The following TXNRD1 variants were observed in gnomAD, a reference collection of about 807,000 sequenced individuals.
TXNRD1 encodes the protein thioredoxin reductase 1, cytoplasmic.
In TXNRD1, 57 loss-of-function variants were observed where a neutral mutation model predicts 80.3. The ratio of observed to expected loss-of-function variants is 0.71; its 90% confidence interval spans 0.57 to 0.89. The LOEUF is 0.89. Among genes scored for constraint, TXNRD1 ranks in the 40% least tolerant of loss-of-function variants. The pLI is 0.00. For synonymous variants in TXNRD1, 291 were observed against 285.2 expected, an observed-to-expected ratio of 1.02 and a Z score of -0.20; for missense variants, 730 against 803.0, an observed-to-expected ratio of 0.91 and a Z score of 1.10.
intron 12 of TXNRD1, 37 bp downstream of exon 12, chr12:104,326,460 ATT>A (rs371884469): frequency 0.028 from 14,727 of 532,614 alleles, no homozygotes; most frequent in Middle Eastern, 0.034. Flanking sequence ...TATTTGTGGG[ATT>A]TTTTTTTTTT....
intron 4 of TXNRD1, chr12:104,309,971 C>T: frequency 6.5e-7 from 1 of 1,536,264 alleles, no homozygotes; most frequent in Non-Finnish European, 8.7e-7. Context: ...TGCTGTGCTT[C>T]CTCCTTCACA....
At position 104,292,390 on chromosome 12, in the gene TXNRD1, C is replaced by T. The variant is rs1054335089; in HGVS notation, c.414+3350C>T. On this transcript the variant is annotated intron_variant, in intron 4 of 16. Coordinates refer to ENST00000525566, the MANE Select transcript of TXNRD1 (RefSeq NM_001093771.3). ...AGAGCTAGGAATCTACCCCCGCCCC[C>T]CCGCCTTTTTTTTTTGAGATGGAGT... Among the ~76,000 whole-genome samples the T allele has an allele frequency of 4.0e-5, 5 of 126,328 alleles. No individual in the cohort carries two copies. In the East Asian group the frequency reaches 8.2e-4, roughly 21 times the overall value. 82.9% of individuals were successfully genotyped at this position (126,328 alleles called of 152,430 possible). A position where few individuals can be genotyped will look rare whatever the true frequency, so the allele number is the denominator to read the frequency against.
chr12:104,265,529 G>C, intron 3 of TXNRD1: 1 of 1,610,816 alleles, frequency 6.2e-7, no homozygotes. Flanking sequence ...TCCCCCCTGC[G>C]GGTGAAGAAC....
chr12:104,288,848 G>A (rs1241980104), intron 3 of TXNRD1, 83 bp from the exon 4 acceptor site: 1 of 1,611,898 alleles, frequency 6.2e-7, no homozygotes, highest in African/African-American at 1.3e-5. Flanking sequence ...GGCCGGGACG[G>A]AAGCCCCGCC....
At chr12:104,249,890 C>G (rs527883967) in intron 1 of TXNRD1, among the ~76,000 whole-genome samples, 1 of 136,986 alleles carries the variant, frequency 7.3e-6, no homozygotes, top group African/African-American at 2.8e-5. Context: ...AGGCCGAGAT[C>G]GTGCCACTGT....
intron 10 of TXNRD1, among the ~76,000 whole-genome samples, chr12:104,322,374 C>CTTTTTTTTTTTTTTTT (rs58288808): frequency 1.6e-5 from 1 of 61,544 alleles, no homozygotes; most frequent in African/African-American, 7.2e-5. Context: ...TTATTTTTAC[C>CTTTTTTTTTTTTTTTT]TTTTTTTTTT....
chr12:104,286,230 C>G (rs541013553), intron 3 of TXNRD1: 1 of 152,278 alleles, frequency 6.6e-6, no homozygotes, highest in South Asian at 2.1e-4. Flanking sequence ...ATATTCATAG[C>G]CTGCTAGTGC....
At chr12:104,347,751 G>T (rs1004466479) in intron 16 of TXNRD1, among the ~76,000 whole-genome samples, 1 of 152,170 alleles carries the variant, frequency 6.6e-6, no homozygotes, top group Non-Finnish European at 1.5e-5. Flanking sequence ...ATACTACACT[G>T]TATGTGTTGT....
chr12:104,254,644 A>ATATATATATATAT (rs1555207848), intron 2 of TXNRD1, among the ~76,000 whole-genome samples: 5 of 93,636 alleles, frequency 5.3e-5, no homozygotes, highest in Admixed American at 1.3e-4. Context: ...AAAAAAAAAA[A>ATATATATATATAT]ATATATATAT....
intron 3 of TXNRD1, among the ~76,000 whole-genome samples, chr12:104,263,530 G>T (rs1012254923): frequency 2.0e-5 from 3 of 152,184 alleles, no homozygotes; most frequent in African/African-American, 7.2e-5. Context: ...CCCTGTGGAT[G>T]AGCTGCCACT....
intron 6 of TXNRD1, 82 bp from the exon 7 acceptor site, chr12:104,315,695 G>C: frequency 1.4e-6 from 2 of 1,442,958 alleles, no homozygotes; most frequent in Non-Finnish European, 1.9e-6. Context: ...TCTTAGAGTT[G>C]TAATAATTGT....
chr12:104,248,456 C>T (rs189486450), intron 1 of TXNRD1, among the ~76,000 whole-genome samples: 5 of 151,990 alleles, frequency 3.3e-5, no homozygotes, highest in South Asian at 2.1e-4. Flanking sequence ...AGCTAATTTT[C>T]GTATTTTAAG....
At chr12:104,313,678 C>T (rs1477389180) in intron 6 of TXNRD1, among the ~76,000 whole-genome samples, 2 of 152,038 alleles carry the variant, frequency 1.3e-5, no homozygotes, top group East Asian at 1.9e-4. Flanking sequence ...AATCAGATAC[C>T]CTACTGTATA....
At chr12:104,226,497 A>T (rs2032476411) in intron 1 of TXNRD1, among the ~76,000 whole-genome samples, 1 of 152,240 alleles carries the variant, frequency 6.6e-6, no homozygotes, top group Admixed American at 6.5e-5. Flanking sequence ...GATGATCTTT[A>T]CAGAGATCTC....
chr12:104,327,738 G>A (rs985325324), intron 13 of TXNRD1, 67 bp downstream of exon 13: 4 of 1,533,518 alleles, frequency 2.6e-6, no homozygotes, highest in Non-Finnish European at 3.5e-6. Flanking sequence ...TTATTTAGGG[G>A]GCAGTTGGGA....
At chr12:104,324,353 G>GTTT (rs199989955) in intron 10 of TXNRD1, among the ~76,000 whole-genome samples, 3 of 120,128 alleles carry the variant, frequency 2.5e-5, no homozygotes, top group African/African-American at 3.1e-5. Context: ...GGTGGGTTTC[G>GTTT]TTTTTTTTTT....
intron 4 of TXNRD1, among the ~76,000 whole-genome samples, chr12:104,293,420 T>C (rs749306805): frequency 2.0e-5 from 3 of 152,174 alleles, no homozygotes; most frequent in African/African-American, 7.2e-5. Context: ...GGTGGCCCCA[T>C]GTTCCAGTCT....
chr12:104,275,830 T>C (rs891321938), intron 3 of TXNRD1, among the ~76,000 whole-genome samples: 1 of 152,252 alleles, frequency 6.6e-6, no homozygotes, highest in African/African-American at 2.4e-5. Context: ...ATGATTATAA[T>C]AACTAAGCTA....
At chr12:104,266,924 T>C (rs1285989921) in intron 3 of TXNRD1, among the ~76,000 whole-genome samples, 1 of 151,900 alleles carries the variant, frequency 6.6e-6, no homozygotes, top group Non-Finnish European at 1.5e-5. Flanking sequence ...ATCGAGCCAC[T>C]GCACTCCAGC....
Sources: gnomAD v4.1 joint callset for allele counts (sites outside exome capture counted in the v4.1 genomes callset) on GRCh38, gnomAD v4.1.1 for gene constraint, MANE v1.5 for transcripts, NCBI Gene and HGNC (gene_info 2026-07-23, HGNC 2026-07-21) for gene names.